SUMF1: variants seen among roughly 807,000 people sequenced by gnomAD.
SUMF1 encodes the protein formylglycine-generating enzyme.
Under a neutral mutation model 47.6 loss-of-function variants are expected in SUMF1, and 48 were observed. That is an observed-to-expected ratio of 1.01 (90% CI 0.80 to 1.28). SUMF1 has a LOEUF of 1.28. Among genes scored for constraint, SUMF1 ranks in the 50% most tolerant of loss-of-function variants. The pLI, the probability that SUMF1 is intolerant of heterozygous loss-of-function variation, is 0.00. For synonymous variants in SUMF1, 230 were observed against 192.1 expected (o/e 1.20, Z -1.63); for missense variants, 571 against 485.4 (o/e 1.18, Z -1.66).
intron 8 of SUMF1, among the ~76,000 whole-genome samples, chr3:4,340,416 G>GT (rs1699247639): frequency 6.6e-6 from 1 of 152,170 alleles, no homozygotes; most frequent in Non-Finnish European, 1.5e-5. Context: ...TACAGACTGT[G>GT]TAATAGTTTA....
chr3:4,240,238 GT>G (rs1195412040), intron 8 of SUMF1, among the ~76,000 whole-genome samples: 6 of 151,758 alleles, frequency 4.0e-5, no homozygotes, highest in Non-Finnish European at 8.8e-5. Flanking sequence ...TCTTTTTTTT[GT>G]TGTGTCTCTG....
Position 4,039,208 on chromosome 3 carries a change from A to ATTTTTTTTTTTTT in SUMF1, c.1191+29360_1191+29361insAAAAAAAAAAAAA, listed in dbSNP as rs1213784165. Among the ~76,000 whole-genome samples, 41 of 46,124 alleles carry ATTTTTTTTTTTTT rather than the reference A, an allele frequency of 8.9e-4. 2 individuals carry two copies. Among genetic ancestry groups the ATTTTTTTTTTTTT allele is most frequent in the Admixed American group, 3.0e-3 (9 of 3,006 alleles). 30.3% of individuals were successfully genotyped at this position (46,124 alleles called of 152,430 possible). On this transcript the variant is annotated intron_variant and NMD_transcript_variant, in intron 9 of 12. Transcript: ENST00000448413. The stretch of plus-strand genomic sequence containing the variant: ...CAAGCATGCCTGAAACATCTATGCA[A>ATTTTTTTTTTTTT]ATTTTTTTTTTTTTTTTTTTTTTTT...
chr3:4,191,498 C>G (rs570523571), intron 8 of SUMF1, among the ~76,000 whole-genome samples: 1 of 152,198 alleles, frequency 6.6e-6, no homozygotes, highest in African/African-American at 2.4e-5. Context: ...AGATTTTGAC[C>G]TAGAAGTGAC....
intron 8 of SUMF1, among the ~76,000 whole-genome samples, chr3:4,171,379 C>T (rs1432642045): frequency 6.6e-6 from 1 of 152,094 alleles, no homozygotes; most frequent in Non-Finnish European, 1.5e-5. Context: ...GGTAAATTAA[C>T]TTTTTGAGGT....
At chr3:4,091,217 T>C (rs1692780134) in intron 8 of SUMF1, among the ~76,000 whole-genome samples, 1 of 152,170 alleles carries the variant, frequency 6.6e-6, no homozygotes, top group Admixed American at 6.5e-5. Flanking sequence ...TCATTATACA[T>C]TGTTTCACTT....
intron 7 of SUMF1, among the ~76,000 whole-genome samples, chr3:4,384,272 TG>T (rs954054364): frequency 2.0e-5 from 3 of 152,202 alleles, no homozygotes; most frequent in African/African-American, 4.8e-5. Context: ...ACCTTTATTA[TG>T]GGTAACCGTT....
intron 8 of SUMF1, among the ~76,000 whole-genome samples, chr3:4,105,093 G>C (rs1191532417): frequency 6.6e-6 from 1 of 152,154 alleles, no homozygotes; most frequent in Admixed American, 6.5e-5. Context: ...CAACATGGAT[G>C]AACCTGGAGG....
intron 8 of SUMF1, among the ~76,000 whole-genome samples, chr3:4,139,235 A>G (rs1180494974): frequency 6.6e-6 from 1 of 152,040 alleles, no homozygotes; most frequent in African/African-American, 2.4e-5. Flanking sequence ...ATCATTGACA[A>G]AAGAGTAAAT....
intron 1 of SUMF1, among the ~76,000 whole-genome samples, 176 bp downstream of exon 1, chr3:4,466,800 T>C (rs1393045118): frequency 6.6e-6 from 1 of 152,190 alleles, no homozygotes; most frequent in Non-Finnish European, 1.5e-5. Context: ...GTCAATTAAA[T>C]GGAGTCTTCC....
chr3:4,407,156 C>A (rs1701403140), intron 7 of SUMF1, among the ~76,000 whole-genome samples: 2 of 152,094 alleles, frequency 1.3e-5, no homozygotes, highest in Non-Finnish European at 2.9e-5. Context: ...CCAAATACCT[C>A]ATCTTCTCTC....
chr3:4,147,837 T>C (rs1031181859), intron 8 of SUMF1, among the ~76,000 whole-genome samples: 18 of 152,140 alleles, frequency 1.2e-4, no homozygotes, highest in Non-Finnish European at 2.4e-4. Context: ...TAATAAGCAA[T>C]AATTTCCCCT....
At chr3:4,279,579 G>A (rs1458185046) in intron 8 of SUMF1, among the ~76,000 whole-genome samples, 1 of 152,024 alleles carries the variant, frequency 6.6e-6, no homozygotes, top group Non-Finnish European at 1.5e-5. Flanking sequence ...CCAATCTGAG[G>A]AGATGCCATT....
At chr3:4,160,627 T>A (rs551594554) in intron 8 of SUMF1, among the ~76,000 whole-genome samples, 1 of 152,228 alleles carries the variant, frequency 6.6e-6, no homozygotes, top group East Asian at 1.9e-4. Context: ...TTCTTCAGTA[T>A]GTCAATTGCA....
intron 8 of SUMF1, among the ~76,000 whole-genome samples, chr3:4,143,621 T>G (rs559552281): frequency 1.3e-5 from 2 of 152,264 alleles, no homozygotes; most frequent in East Asian, 1.9e-4. Context: ...TTTCTGTGTA[T>G]GTAGACTAGT....
At chr3:4,101,886 C>A (rs188435395) in intron 8 of SUMF1, among the ~76,000 whole-genome samples, 1 of 152,120 alleles carries the variant, frequency 6.6e-6, no homozygotes, top group Non-Finnish European at 1.5e-5. Flanking sequence ...GTTTAATTGA[C>A]TCACAGTTCC....
chr3:4,350,359 T>C (rs914841369), intron 8 of SUMF1, among the ~76,000 whole-genome samples: 1 of 56,340 alleles, frequency 1.8e-5, no homozygotes, highest in East Asian at 2.0e-3. Context: ...GTGTGTATAA[T>C]TGTGTGTGTA....
At chr3:4,348,362 G>T (rs1443251526) in intron 8 of SUMF1, among the ~76,000 whole-genome samples, 1 of 152,082 alleles carries the variant, frequency 6.6e-6, no homozygotes, top group Admixed American at 6.5e-5. Flanking sequence ...AGAGACCTCG[G>T]AAGCAATACC....
At position 4,118,287 on chromosome 3, in the gene SUMF1, CAA is replaced by C. The variant is rs998850282; in HGVS notation, c.1015-49544_1015-49543del. Reference sequence around the variant, plus strand: ...GGATACATGAAAAAGAAACAGAGAACAAAAAAGAGTCATGAAGATGTAAGTGT... The same window carrying C: ...GGATACATGAAAAAGAAACAGAGAACAAAAGAGTCATGAAGATGTAAGTGT... On this transcript the variant is annotated intron_variant and NMD_transcript_variant, in intron 8 of 12. Coordinates refer to the SUMF1 transcript ENST00000448413. Among the ~76,000 whole-genome samples, 13 of 149,632 alleles carry C rather than the reference CAA, an allele frequency of 8.7e-5. 1 individual carries two copies. Among genetic ancestry groups the C allele is most frequent in the Non-Finnish European group, 1.6e-4 (11 of 67,386 alleles).
chr3:4,289,864 CCTTT>C (rs762883532), intron 8 of SUMF1, among the ~76,000 whole-genome samples: 20 of 152,268 alleles, frequency 1.3e-4, no homozygotes, highest in South Asian at 8.3e-4. Context: ...TAAAAATAAA[CCTTT>C]CTTTATTATG....
Sources: gnomAD v4.1 joint callset for allele counts (sites outside exome capture counted in the v4.1 genomes callset) on GRCh38, gnomAD v4.1.1 for gene constraint, MANE v1.5 for transcripts, NCBI Gene and HGNC (gene_info 2026-07-23, HGNC 2026-07-21) for gene names.